The following NCOA3 variants were observed in gnomAD, a reference collection of about 807,000 sequenced individuals.
NCOA3 encodes nuclear receptor coactivator 3, also known as CBP-interacting protein.
In NCOA3, 51 loss-of-function variants were observed where a neutral mutation model predicts 158.8. The observed-to-expected ratio is 0.32, with a 90% confidence interval of 0.26 to 0.41. The LOEUF (loss-of-function observed/expected upper bound fraction) is 0.41. NCOA3 is among the 10% of genes least tolerant of loss of function. The pLI, the probability that NCOA3 is intolerant of heterozygous loss-of-function variation, is 1.00. For synonymous variants in NCOA3, 537 were observed against 592.4 expected (o/e 0.91, Z 1.36); for missense variants, 1,510 against 1,746.6 (o/e 0.86, Z 2.41).
chr20:47,570,984 A>ATATGTGTGTG lies in NCOA3; in HGVS notation c.-98-12198_-98-12197insATGTGTGTGT, dbSNP rs1555805798. Among the ~76,000 whole-genome samples the ATATGTGTGTG allele has an allele frequency of 3.3e-3, 403 of 120,830 alleles. 2 individuals carry two copies. The highest frequency in any genetic ancestry group is 0.013 in the African/African-American group (379 of 30,226). 79.3% of individuals were successfully genotyped at this position (120,830 alleles called of 152,430 possible). A position where few individuals can be genotyped will look rare whatever the true frequency, so the allele number is the denominator to read the frequency against. The stretch of plus-strand genomic sequence containing the variant: ...CACACACACACAAGTATATACATAT[A>ATATGTGTGTG]TGTGTGTGTGTGTGTGTGTATATAC... On this transcript the variant is annotated intron_variant, in intron 1 of 22. Coordinates refer to ENST00000371998, the MANE Select transcript of NCOA3 (RefSeq NM_181659.3).
At chr20:47,632,545 G>A (rs1237947749) in intron 8 of NCOA3, among the ~76,000 whole-genome samples, 1 of 151,822 alleles carries the variant, frequency 6.6e-6, no homozygotes, top group Admixed American at 6.6e-5. Flanking sequence ...GCACCACCAC[G>A]CCCAGCTAAG....
chr20:47,582,424 G>A (rs1186748366), intron 1 of NCOA3, among the ~76,000 whole-genome samples: 1 of 152,192 alleles, frequency 6.6e-6, no homozygotes, highest in East Asian at 1.9e-4. Context: ...TGTTGACCAG[G>A]CTGGTCTCAA....
intron 2 of NCOA3, among the ~76,000 whole-genome samples, chr20:47,585,817 AATCT>A (rs2085526785): frequency 6.6e-6 from 1 of 152,188 alleles, no homozygotes; most frequent in African/African-American, 2.4e-5. Flanking sequence ...TTTATCTGAG[AATCT>A]ATCCAAGTTA....
chr20:47,602,669 A>G (rs2146262545), intron 2 of NCOA3, among the ~76,000 whole-genome samples: 1 of 152,320 alleles, frequency 6.6e-6, no homozygotes, highest in Middle Eastern at 3.4e-3. Flanking sequence ...ATGATTCAGT[A>G]GTTTAAGGCT....
At chr20:47,628,162 C>T in intron 8 of NCOA3, 139 bp downstream of exon 8, 1 of 500,464 alleles carries the variant, frequency 2.0e-6, no homozygotes, top group East Asian at 3.0e-5. Context: ...TTATGTGTAT[C>T]TTTTTTCATG....
rs1373710992 is a variant in NCOA3, at chr20:47,651,212, G to A, written c.3882G>A (p.Gly1294=). The A allele has an allele frequency of 1.2e-6, 2 of 1,613,998 alleles. No homozygotes were observed. Among genetic ancestry groups the A allele is most frequent in the Non-Finnish European group, 1.7e-6 (2 of 1,179,940 alleles). The part of the protein sequence containing the change: ...PNVTASPSMD[G]LLAGPTMPQA... ...TGACTGCTTCCCCCAGCATGGATGG[G>A]CTTTTGGCAGGACCCACAATGCCAC... Residue 1294 remains glycine (G), a synonymous_variant, in exon 20 of 23, where the codon GGG becomes GGA. Transcript: ENST00000371998.
At chr20:47,563,985 T>A (rs2085152312) in intron 1 of NCOA3, among the ~76,000 whole-genome samples, 2 of 150,802 alleles carry the variant, frequency 1.3e-5, no homozygotes, top group Non-Finnish European at 2.9e-5. Flanking sequence ...CATGAGGAAA[T>A]CTTGTCTCTA....
At chr20:47,520,497 T>C (rs1473503806) in intron 1 of NCOA3, among the ~76,000 whole-genome samples, 1 of 152,206 alleles carries the variant, frequency 6.6e-6, no homozygotes, top group Non-Finnish European at 1.5e-5. Context: ...TTTTCCTTAC[T>C]ACCGGAGGTT....
At chr20:47,517,210 C>T (rs977358676) in intron 1 of NCOA3, among the ~76,000 whole-genome samples, 8 of 152,140 alleles carry the variant, frequency 5.3e-5, no homozygotes, top group East Asian at 1.9e-4. Flanking sequence ...AGCGAGACTC[C>T]GTCTCCTCCC....
In NCOA3 at chr20:47,652,489, C is replaced by T. The variant is rs2086812815; in HGVS notation, c.4030C>T (p.Gln1344Ter). The T allele has an allele frequency of 6.2e-7, 1 of 1,614,010 alleles. No individual in the cohort carries two copies. The highest frequency in any genetic ancestry group is 8.5e-7 in the Non-Finnish European group (1 of 1,179,974). Reference protein sequence around the residue: ...AMMSSRMGPSQNPMMQHPQAA... With the variant: ...AMMSSRMGPS ...GATGTCGTCAAGAATGGGTCCCTCC[C>T]AGAATCCCATGATGCAACACCCGCA... is the stretch of plus-strand genomic sequence containing the variant. Residue 1344 changes from glutamine (Q) to a stop codon, truncating the protein, a stop_gained, in exon 21 of 23, where the codon CAG becomes TAG. Coordinates refer to ENST00000371998, the MANE Select transcript of NCOA3 (RefSeq NM_181659.3). LOFTEE classifies it high-confidence loss of function.
intron 13 of NCOA3, among the ~76,000 whole-genome samples, chr20:47,638,004 T>C (rs1568746714): frequency 6.6e-6 from 1 of 152,226 alleles, no homozygotes; most frequent in Non-Finnish European, 1.5e-5. Flanking sequence ...CTAACTAATA[T>C]GCCAGTAATC....
intron 1 of NCOA3, among the ~76,000 whole-genome samples, chr20:47,579,107 C>T (rs1282339471): frequency 2.0e-5 from 3 of 152,168 alleles, no homozygotes; most frequent in East Asian, 3.9e-4. Flanking sequence ...GATTTCCCCT[C>T]ACGTCCTTTT....
rs1420362270 is a variant in NCOA3, at chr20:47,653,446, A to C, written c.*29A>C. ...CTCTGCACCAGGACCTCTTAAGGAA[A>C]CCACTGTACAAATGACACTGCACTA... On this transcript the variant is annotated 3_prime_UTR_variant, in exon 23 of 23. Transcript: ENST00000371998. The C allele has an allele frequency of 6.2e-7, 1 of 1,605,162 alleles. No homozygotes were observed. Among genetic ancestry groups the C allele is most frequent in the Non-Finnish European group, 8.5e-7 (1 of 1,176,846 alleles).
At chr20:47,518,878 G>C (rs1254982220) in intron 1 of NCOA3, among the ~76,000 whole-genome samples, 3 of 152,128 alleles carry the variant, frequency 2.0e-5, no homozygotes, top group Admixed American at 2.0e-4. Context: ...GCTCACGCCT[G>C]TAACTCCAGC....
intron 1 of NCOA3, among the ~76,000 whole-genome samples, chr20:47,539,653 T>C (rs1449672180): frequency 2.0e-5 from 3 of 152,202 alleles, no homozygotes; most frequent in African/African-American, 7.2e-5. Flanking sequence ...GCCAGCGTTG[T>C]TGAGGATGCT....
chr20:47,635,503 AGGTATG>A lies in NCOA3; in HGVS notation c.1297_1302del (p.Tyr433_Gly434del). On this transcript the variant is annotated inframe_deletion, in exon 11 of 23. Coordinates refer to ENST00000371998, the MANE Select transcript of NCOA3 (RefSeq NM_181659.3). Reference sequence around the variant, plus strand: ...CACCACAGGGCAGATGAGTGGAGCTAGGTATGGGGGTTCCAGTAACATAGCTTCATT... The same window carrying A: ...CACCACAGGGCAGATGAGTGGAGCTAGGGGTTCCAGTAACATAGCTTCATT... 1 of 1,614,118 alleles carries A rather than the reference AGGTATG, an allele frequency of 6.2e-7. No individual in the cohort carries two copies. Among genetic ancestry groups the A allele is most frequent in the Non-Finnish European group, 8.5e-7 (1 of 1,180,008 alleles).
rs566617812 is a variant in NCOA3 at position 47,654,818 on chromosome 20, A to C, written c.*1401A>C. The C allele has an allele frequency of 1.8e-4, 27 of 152,194 alleles. No homozygotes were observed. Among genetic ancestry groups the C allele is most frequent in the African/African-American group, 5.8e-4 (24 of 41,514 alleles). The allele number at this position is 152,194 out of a possible 1,614,324, so 9.4% of individuals were successfully genotyped here. ...ATTTGAAGAGAATCTTTTGGATTTT[A>C]AGCAGTCCGAAATAATAGCAATTCA... is the stretch of plus-strand genomic sequence containing the variant. On this transcript the variant is annotated 3_prime_UTR_variant, in exon 23 of 23. Coordinates refer to ENST00000371998, the MANE Select transcript of NCOA3 (RefSeq NM_181659.3).
chr20:47,638,147 TG>T (rs2086546868), intron 13 of NCOA3, among the ~76,000 whole-genome samples: 1 of 152,148 alleles, frequency 6.6e-6, no homozygotes. Context: ...ACCTGTCCAT[TG>T]GTGTTTTAAC....
intron 2 of NCOA3, among the ~76,000 whole-genome samples, chr20:47,598,338 T>G (rs1273940449): frequency 1.3e-5 from 2 of 152,048 alleles, no homozygotes; most frequent in Admixed American, 6.6e-5. Context: ...AACCTGTTTT[T>G]ATTTTATTTT....
Sources: gnomAD v4.1 joint callset for allele counts (sites outside exome capture counted in the v4.1 genomes callset) on GRCh38, gnomAD v4.1.1 for gene constraint, MANE v1.5 for transcripts, NCBI Gene and HGNC (gene_info 2026-07-23, HGNC 2026-07-21) for gene names.